Variants in PHACTR4 observed in about 807,000 individuals in gnomAD.
PHACTR4 encodes phosphatase and actin regulator 4.
Under a neutral mutation model 72.7 loss-of-function variants are expected in PHACTR4, and 51 were observed. The ratio of observed to expected loss-of-function variants is 0.70; its 90% CI spans 0.56 to 0.89. PHACTR4 has a LOEUF of 0.89. Ranked by LOEUF, PHACTR4 falls within the 40% of genes least tolerant of loss-of-function variation. The pLI is 0.00. For missense variants in PHACTR4, 731 were observed against 861.8 expected (o/e 0.85, Z 1.90); for synonymous variants, 255 against 302.5 (o/e 0.84, Z 1.63).
chr1:28,485,767 C>CAG (rs1325721930), intron 9 of PHACTR4, among the ~76,000 whole-genome samples: 9 of 149,472 alleles, frequency 6.0e-5, no homozygotes, highest in East Asian at 4.0e-4. Context: ...GGTGTGGTGG[C>CAG]GCATGCCTGT....
intron 1 of PHACTR4, among the ~76,000 whole-genome samples, chr1:28,403,297 T>C (rs1654069530): frequency 6.6e-6 from 1 of 152,212 alleles, no homozygotes; most frequent in South Asian, 2.1e-4. Context: ...GCTCTGGAGC[T>C]AAAATGACCT....
chr1:28,380,093 G>T (rs2124136286), intron 1 of PHACTR4, among the ~76,000 whole-genome samples: 1 of 105,538 alleles, frequency 9.5e-6, no homozygotes, highest in Admixed American at 1.4e-4. Flanking sequence ...GTCTCGCTCT[G>T]TCGCCCAGGC....
At chr1:28,433,577 C>G (rs748640769) in intron 2 of PHACTR4, among the ~76,000 whole-genome samples, 4 of 150,194 alleles carry the variant, frequency 2.7e-5, no homozygotes, top group African/African-American at 4.9e-5. Context: ...CCTGCCTCAG[C>G]CTCCTGTGTA....
intron 1 of PHACTR4, among the ~76,000 whole-genome samples, chr1:28,376,129 A>G (rs1262116636): frequency 2.0e-5 from 3 of 152,024 alleles, no homozygotes; most frequent in African/African-American, 2.4e-5. Context: ...AGGGGCTACC[A>G]TAACCAAATT....
chr1:28,427,468 G>C (rs1025047327), intron 2 of PHACTR4, among the ~76,000 whole-genome samples: 1 of 152,166 alleles, frequency 6.6e-6, no homozygotes, highest in Non-Finnish European at 1.5e-5. Context: ...GGACGTTGCA[G>C]TAAGCTGAAA....
At chr1:28,476,485 A>G (rs1158615467) in intron 8 of PHACTR4, among the ~76,000 whole-genome samples, 194 bp downstream of exon 8, 1 of 151,322 alleles carries the variant, frequency 6.6e-6, no homozygotes, top group Non-Finnish European at 1.5e-5. Context: ...AAGCCAAGAC[A>G]GGGATCCAAG....
chr1:28,437,127 A>C (rs1180581619), intron 2 of PHACTR4, among the ~76,000 whole-genome samples: 3 of 152,226 alleles, frequency 2.0e-5, no homozygotes, highest in Non-Finnish European at 1.5e-5. Context: ...GTAGGAAATA[A>C]AATTTTAGAA....
At position 28,397,810 on chromosome 1, in the gene PHACTR4, C is replaced by T. The variant is rs201345743; in HGVS notation, c.-38-9600C>T. ...TCCTGGGTTCAAGCGATTCCTCTGC[C>T]TCAGCCTCCCGAGTAGCTGGGACTA... On this transcript the variant is annotated intron_variant, in intron 1 of 13. Transcript: ENST00000373839. 3.9e-5 allele frequency among the ~76,000 whole-genome samples: 6 copies of T among 151,952 alleles called. No individual in the cohort carries two copies. The East Asian group carries it at 1.2e-3, about 29-fold the overall frequency.
chr1:28,422,121 A>G (rs1239800886), intron 2 of PHACTR4, among the ~76,000 whole-genome samples: 1 of 152,212 alleles, frequency 6.6e-6, no homozygotes, highest in Non-Finnish European at 1.5e-5. Flanking sequence ...AAATAAAAAT[A>G]CTTGTGTTAT....
At chr1:28,447,395 CTTTTTTT>C (rs970088054) in intron 2 of PHACTR4, among the ~76,000 whole-genome samples, 75 of 132,820 alleles carry the variant, frequency 5.6e-4, no homozygotes, top group African/African-American at 1.8e-3. Flanking sequence ...TTTCTTTTTT[CTTTTTTT>C]TTTTTTTGAG....
At chr1:28,454,888 G>A (rs1658260149) in intron 2 of PHACTR4, among the ~76,000 whole-genome samples, 1 of 152,072 alleles carries the variant, frequency 6.6e-6, no homozygotes, top group Non-Finnish European at 1.5e-5. Flanking sequence ...GGGAGACTGA[G>A]GTGGAAGGAC....
At chr1:28,474,722 T>C (rs1020468773) in intron 7 of PHACTR4, among the ~76,000 whole-genome samples, 1 of 151,306 alleles carries the variant, frequency 6.6e-6, no homozygotes, top group African/African-American at 2.4e-5. Context: ...TTTGTATTTT[T>C]AGTGGAGATG....
At chr1:28,411,119 T>C (rs1654759141) in intron 2 of PHACTR4, among the ~76,000 whole-genome samples, 1 of 151,296 alleles carries the variant, frequency 6.6e-6, no homozygotes. Flanking sequence ...TGATCTCGGC[T>C]CACTGCAACC....
chr1:28,450,790 T>TTGTGTG (rs140707466), intron 2 of PHACTR4, among the ~76,000 whole-genome samples: 1 of 148,924 alleles, frequency 6.7e-6, no homozygotes, highest in Non-Finnish European at 1.5e-5. Context: ...CAGCCAATTG[T>TTGTGTG]TGTGTGTGTG....
intron 2 of PHACTR4, among the ~76,000 whole-genome samples, chr1:28,429,666 A>G (rs181273198): frequency 2.1e-4 from 32 of 152,352 alleles, no homozygotes; most frequent in Admixed American, 1.4e-3. Context: ...CTCAAGATTA[A>G]TAATACTCGG....
At chr1:28,394,654 T>G (rs1242112344) in intron 1 of PHACTR4, among the ~76,000 whole-genome samples, 1 of 151,336 alleles carries the variant, frequency 6.6e-6, no homozygotes, top group Admixed American at 6.6e-5. Context: ...TGGAGTGCAG[T>G]GGCACGATCT....
intron 2 of PHACTR4, among the ~76,000 whole-genome samples, chr1:28,448,869 C>T (rs1055001527): frequency 4.5e-4 from 3 of 6,712 alleles, no homozygotes; most frequent in Admixed American, 2.2e-3. Context: ...AAGCGGGGGG[C>T]GGGGGTGGGG....
chr1:28,481,662 C>A (rs543491532), intron 9 of PHACTR4, among the ~76,000 whole-genome samples: 6 of 151,482 alleles, frequency 4.0e-5, no homozygotes, highest in African/African-American at 1.5e-4. Context: ...TGGTGGCATG[C>A]GCCTATAGTC....
At chr1:28,395,585 A>G (rs866952500) in intron 1 of PHACTR4, among the ~76,000 whole-genome samples, 117 of 151,692 alleles carry the variant, frequency 7.7e-4, no homozygotes, top group Non-Finnish European at 3.1e-4. Context: ...CTCCTCAGTA[A>G]TATGTTACAT....
Sources: gnomAD v4.1 joint callset for allele counts (sites outside exome capture counted in the v4.1 genomes callset) on GRCh38, gnomAD v4.1.1 for gene constraint, MANE v1.5 for transcripts, NCBI Gene and HGNC (gene_info 2026-07-23, HGNC 2026-07-21) for gene names.